PPP2R2A: variants seen among roughly 807,000 people sequenced by gnomAD.
PPP2R2A encodes serine/threonine-protein phosphatase 2A 55 kDa regulatory subunit B alpha isoform.
PPP2R2A carries 9 observed loss-of-function variants against 53.2 expected under a neutral mutation model. The observed-to-expected ratio is 0.17, with a 90% confidence interval of 0.10 to 0.30. PPP2R2A has a LOEUF of 0.30. Among genes scored for constraint, PPP2R2A ranks in the 10% least tolerant of loss-of-function variants. The probability of loss-of-function intolerance (pLI) is 1.00; values close to 1 mark genes in which losing one functional copy is unlikely to be tolerated. For missense variants in PPP2R2A, 235 were observed against 534.6 expected (o/e 0.44, Z 5.53); for synonymous variants, 169 against 174.2 (o/e 0.97, Z 0.23).
chr8:26,348,368 T>TA (rs1365047059), intron 3 of PPP2R2A, among the ~76,000 whole-genome samples: 3 of 152,204 alleles, frequency 2.0e-5, no homozygotes, highest in Non-Finnish European at 4.4e-5. Context: ...ATTGGAGACT[T>TA]ATTGAATGCT....
chr8:26,296,773 T>C (rs990075822), intron 2 of PPP2R2A, among the ~76,000 whole-genome samples: 1 of 152,236 alleles, frequency 6.6e-6, no homozygotes, highest in Admixed American at 6.5e-5. Flanking sequence ...AGAGAAATGG[T>C]AAAAGGCAGG....
chr8:26,303,304 A>AT (rs1801872152), intron 2 of PPP2R2A, among the ~76,000 whole-genome samples: 1 of 152,124 alleles, frequency 6.6e-6, no homozygotes, highest in Non-Finnish European at 1.5e-5. Flanking sequence ...GAATAAAATA[A>AT]TTTTTTACGG....
intron 3 of PPP2R2A, among the ~76,000 whole-genome samples, chr8:26,348,543 C>T (rs955201950): frequency 2.6e-5 from 4 of 152,174 alleles, no homozygotes; most frequent in South Asian, 2.1e-4. Flanking sequence ...GACTTGGGTC[C>T]CCTCCCTAAG....
chr8:26,355,700 T>G (rs567800202), intron 4 of PPP2R2A, among the ~76,000 whole-genome samples: 1 of 151,970 alleles, frequency 6.6e-6, no homozygotes, highest in Non-Finnish European at 1.5e-5. Flanking sequence ...GTGTCTCTAC[T>G]AAAAATACAA....
At chr8:26,330,975 A>T (rs916731542) in intron 2 of PPP2R2A, among the ~76,000 whole-genome samples, 1 of 152,142 alleles carries the variant, frequency 6.6e-6, no homozygotes, top group African/African-American at 2.4e-5. Context: ...CTCTTGTGAG[A>T]ACTCTACCTG....
At chr8:26,292,317 AT>A (rs1233349812) in intron 1 of PPP2R2A, 2 of 988,060 alleles carry the variant, frequency 2.0e-6, no homozygotes, top group Non-Finnish European at 2.4e-6. Context: ...CAGTGGGGGC[AT>A]ATGTGTATTT....
intron 2 of PPP2R2A, among the ~76,000 whole-genome samples, chr8:26,323,222 C>G (rs533268380): frequency 9.2e-5 from 14 of 152,330 alleles, no homozygotes; most frequent in African/African-American, 3.4e-4. Context: ...CTCCTTTTCC[C>G]TAATCTGCTG....
Position 26,360,752 on chromosome 8 carries a change from T to A in PPP2R2A, c.460-222T>A. On this transcript the variant is annotated intron_variant, in intron 5 of 9. Transcript: ENST00000380737. The surrounding 1 kb of genome is among the most constrained non-coding windows in gnomAD (Gnocchi z 4.5). ...TATTGAAACTAAGAACTGCAAATTC[T>A]AATAGTATTGCAACCAGTAAAAGAA... 1 of 467,086 alleles carries A rather than the reference T, an allele frequency of 2.1e-6. No individual in the cohort carries two copies. The highest frequency in any genetic ancestry group is 3.6e-5 in the East Asian group (1 of 27,402). 28.9% of individuals were successfully genotyped at this position (467,086 alleles called of 1,614,324 possible).
chr8:26,347,842 A>G (rs375645775), intron 3 of PPP2R2A, among the ~76,000 whole-genome samples: 24 of 152,274 alleles, frequency 1.6e-4, no homozygotes, highest in African/African-American at 5.8e-4. Flanking sequence ...GCCTTGCAAA[A>G]TCTTGAAGTG....
At chr8:26,294,756 C>G (rs1281710009) in intron 2 of PPP2R2A, among the ~76,000 whole-genome samples, 1 of 152,052 alleles carries the variant, frequency 6.6e-6, no homozygotes, top group East Asian at 1.9e-4. Flanking sequence ...GCCGAACTCT[C>G]TTATTTGCTT....
intron 1 of PPP2R2A, among the ~76,000 whole-genome samples, chr8:26,292,661 TA>T (rs903544606): frequency 1.3e-5 from 2 of 152,158 alleles, no homozygotes; most frequent in African/African-American, 2.4e-5. Context: ...TAGCAAGGAA[TA>T]GGGGTGATGG....
intron 2 of PPP2R2A, among the ~76,000 whole-genome samples, chr8:26,335,810 C>A (rs753514779): frequency 1.3e-5 from 2 of 152,196 alleles, no homozygotes; most frequent in Non-Finnish European, 2.9e-5. Context: ...ACACAAGGGT[C>A]CCTCTTAAAA....
At position 26,292,420 on chromosome 8, in the gene PPP2R2A, C is replaced by T. The variant is rs1801342428; in HGVS notation, c.7+594C>T. 4.1e-6 allele frequency: 4 copies of T among 985,398 alleles called. No homozygotes were observed. In the South Asian group the frequency reaches 1.9e-4, roughly 46 times the overall value. The allele number at this position is 985,398 out of a possible 1,614,324, so 61.0% of individuals were successfully genotyped here. ...GTTTCCGTTTCTTCCCTTTTACCGC[C>T]GAAGAGTGCAAGGCCTTTCATGTAC... On this transcript the variant is annotated intron_variant, in intron 1 of 9. Coordinates refer to ENST00000380737, the MANE Select transcript of PPP2R2A (RefSeq NM_002717.4).
At position 26,370,480 on chromosome 8, in the gene PPP2R2A, C is replaced by T; in HGVS notation, c.*67C>T. 6.5e-7 allele frequency: 1 copy of T among 1,541,984 alleles called. No individual in the cohort carries two copies. The highest frequency in any genetic ancestry group is 1.2e-5 in the South Asian group (1 of 84,160). On this transcript the variant is annotated 3_prime_UTR_variant, in exon 10 of 10. Transcript: ENST00000380737. The surrounding 1 kb of genome is among the most constrained non-coding windows in gnomAD (Gnocchi z 6.1). ...GAGATAGTTGAATCTAGCATTCGTT[C>T]CTATAAAAGAGAGAGGTCCATTGTG...
At position 26,327,835 on chromosome 8, in the gene PPP2R2A, G is replaced by C. The variant is rs538833823; in HGVS notation, c.83-11055G>C. Among the ~76,000 whole-genome samples, 19 of 152,292 alleles carry C rather than the reference G, an allele frequency of 1.2e-4. No individual in the cohort carries two copies. The South Asian group carries it at 3.9e-3, about 32-fold the overall frequency. On this transcript the variant is annotated intron_variant, in intron 2 of 9. Coordinates refer to ENST00000380737, the MANE Select transcript of PPP2R2A (RefSeq NM_002717.4). ...TCATTTACTGTGTAGAAATACAGCT[G>C]AGAAGATCATGAAAATGGGTCATGT... is the stretch of plus-strand genomic sequence containing the variant.
intron 2 of PPP2R2A, among the ~76,000 whole-genome samples, chr8:26,318,976 T>TC (rs1802698687): frequency 6.6e-6 from 1 of 152,146 alleles, no homozygotes; most frequent in Admixed American, 6.5e-5. Context: ...CTTTTCATCT[T>TC]CCCAAACTAA....
At chr8:26,341,517 T>A (rs1475351465) in intron 3 of PPP2R2A, among the ~76,000 whole-genome samples, 1 of 152,248 alleles carries the variant, frequency 6.6e-6, no homozygotes, top group Non-Finnish European at 1.5e-5. Flanking sequence ...GAAATAGTCC[T>A]TTCCTAATTT....
At chr8:26,366,463 T>C in intron 9 of PPP2R2A, 57 bp downstream of exon 9, 1 of 1,324,838 alleles carries the variant, frequency 7.5e-7, no homozygotes, top group Non-Finnish European at 1.0e-6. Flanking sequence ...AACAACTATT[T>C]CATTCCAGGT....
chr8:26,370,528 A>G lies in PPP2R2A; in HGVS notation c.*115A>G, dbSNP rs1805616665. ...GTGGCGCCCCTTTCCAGTGTTTGAC[A>G]GTGTGCCATTCGACAACACATTGTT... On this transcript the variant is annotated 3_prime_UTR_variant, in exon 10 of 10. Coordinates refer to ENST00000380737, the MANE Select transcript of PPP2R2A (RefSeq NM_002717.4). The surrounding 1 kb of genome is among the most constrained non-coding windows in gnomAD (Gnocchi z 6.1). The G allele has an allele frequency of 4.9e-6, 6 of 1,213,862 alleles. No homozygotes were observed. The highest frequency in any genetic ancestry group is 3.5e-6 in the Non-Finnish European group (3 of 864,080). 75.2% of individuals were successfully genotyped at this position (1,213,862 alleles called of 1,614,324 possible).
Sources: allele counts gnomAD v4.1 joint callset (sites outside exome capture counted in the v4.1 genomes callset), GRCh38; gene constraint gnomAD v4.1.1; non-coding constraint Gnocchi (gnomAD v3.1); transcripts MANE v1.5; gene names NCBI Gene and HGNC (gene_info 2026-07-23, HGNC 2026-07-21).